The following DPYSL5 variants were observed in gnomAD, a reference collection of about 807,000 sequenced individuals.
The protein encoded by DPYSL5 is dihydropyrimidinase like 5.
DPYSL5 carries 9 observed loss-of-function variants against 58.4 expected under a neutral mutation model. The observed-to-expected ratio is 0.15, with a 90% CI of 0.09 to 0.27. The LOEUF is 0.27. Ranked by LOEUF, DPYSL5 falls within the 10% of genes least tolerant of loss-of-function variation. The probability of loss-of-function intolerance (pLI) is 1.00; values close to 1 mark genes in which losing one functional copy is unlikely to be tolerated. For synonymous variants in DPYSL5, 293 were observed against 301.9 expected, an observed-to-expected ratio of 0.97 and a Z score of 0.31; for missense variants, 499 against 770.6, an observed-to-expected ratio of 0.65 and a Z score of 4.17.
At chr2:26,858,955 C>G (rs759173516) in intron 1 of DPYSL5, among the ~76,000 whole-genome samples, 21 of 152,126 alleles carry the variant, frequency 1.4e-4, no homozygotes, top group Non-Finnish European at 2.9e-4. Flanking sequence ...TTTTGTTTGC[C>G]TAGCTAATGT....
chr2:26,890,702 G>A (rs1663856619), intron 1 of DPYSL5, among the ~76,000 whole-genome samples: 1 of 152,216 alleles, frequency 6.6e-6, no homozygotes, highest in Admixed American at 6.5e-5. Flanking sequence ...ACCACAGACT[G>A]GGTGGCTTAA....
chr2:26,851,321 C>A, intron 1 of DPYSL5, among the ~76,000 whole-genome samples: 1 of 152,254 alleles, frequency 6.6e-6, no homozygotes, highest in Non-Finnish European at 1.5e-5. Context: ...CAAGGAATGC[C>A]GGTATGACCA....
chr2:26,891,280 A>G (rs1034780466), intron 1 of DPYSL5, among the ~76,000 whole-genome samples: 4 of 152,144 alleles, frequency 2.6e-5, no homozygotes, highest in Non-Finnish European at 4.4e-5. Flanking sequence ...ATTAGTTAGC[A>G]TTATTAATAG....
intron 1 of DPYSL5, among the ~76,000 whole-genome samples, chr2:26,863,985 G>GC (rs1249632572): frequency 3.3e-5 from 5 of 152,194 alleles, no homozygotes; most frequent in African/African-American, 1.2e-4. Flanking sequence ...GCTCACACTT[G>GC]TAATCATAGC....
rs909849829 is a variant in DPYSL5 at position 26,931,533 on chromosome 2, A to G, written c.670-107A>G. On this transcript the variant is annotated intron_variant, in intron 5 of 12. Transcript: ENST00000288699. Reference sequence around the variant, plus strand: ...GTGCCTCTGCCCGGGCTTTGCCCCGAGCCAACCCCTATGGGTGCAGTTGCT... The same window carrying G: ...GTGCCTCTGCCCGGGCTTTGCCCCGGGCCAACCCCTATGGGTGCAGTTGCT... 21 of 1,405,678 alleles carry G rather than the reference A, an allele frequency of 1.5e-5. No individual in the cohort carries two copies. The African/African-American group carries it at 2.5e-4, about 17-fold the overall frequency. The allele number at this position is 1,405,678 out of a possible 1,614,324, so 87.1% of individuals were successfully genotyped here. A position where few individuals can be genotyped will look rare whatever the true frequency, so the allele number is the denominator to read the frequency against.
Position 26,948,559 on chromosome 2 carries a change from G to A in DPYSL5, c.*1564G>A, listed in dbSNP as rs944680722. 4 of 152,500 alleles carry A rather than the reference G, an allele frequency of 2.6e-5. No homozygotes were observed. The highest frequency in any genetic ancestry group is 7.2e-5 in the African/African-American group (3 of 41,452). The allele number at this position is 152,500 out of a possible 1,614,324, so 9.4% of individuals were successfully genotyped here. ...GCTTGCGCGAGGCTTCTGGACCCTC[G>A]GTTAAAGGTCAGCCCCTGGCCGGGT... On this transcript the variant is annotated 3_prime_UTR_variant, in exon 13 of 13. Transcript: ENST00000288699.
chr2:26,850,583 G>A (rs978285823), intron 1 of DPYSL5, among the ~76,000 whole-genome samples: 2 of 151,756 alleles, frequency 1.3e-5, no homozygotes, highest in African/African-American at 4.8e-5. Flanking sequence ...CAGACTGGGC[G>A]ATACTTGGCA....
At chr2:26,929,521 C>T (rs915901873) in intron 5 of DPYSL5, among the ~76,000 whole-genome samples, 3 of 152,180 alleles carry the variant, frequency 2.0e-5, no homozygotes, top group African/African-American at 7.2e-5. Context: ...CGTGAGCCAC[C>T]GTGCCCAGTC....
chr2:26,872,460 G>C (rs755303798), intron 1 of DPYSL5, among the ~76,000 whole-genome samples: 1 of 152,182 alleles, frequency 6.6e-6, no homozygotes, highest in Non-Finnish European at 1.5e-5. Flanking sequence ...GAGAGGCCGA[G>C]GTGGGCGGAT....
intron 1 of DPYSL5, among the ~76,000 whole-genome samples, chr2:26,878,757 C>T (rs892761569): frequency 3.9e-5 from 6 of 152,214 alleles, no homozygotes; most frequent in South Asian, 4.1e-4. Flanking sequence ...AGGATTCAGC[C>T]GCTGTCCACT....
At chr2:26,935,667 C>T (rs964075966) in intron 8 of DPYSL5, among the ~76,000 whole-genome samples, 8 of 137,242 alleles carry the variant, frequency 5.8e-5, no homozygotes, top group Admixed American at 2.3e-4. Context: ...CCAGCCTGTC[C>T]GGCGACAGAG....
chr2:26,863,264 AC>A (rs1666062038), intron 1 of DPYSL5, among the ~76,000 whole-genome samples: 1 of 152,204 alleles, frequency 6.6e-6, no homozygotes, highest in South Asian at 2.1e-4. Context: ...CACAGCTCTG[AC>A]ATGGGCCCCA....
intron 1 of DPYSL5, among the ~76,000 whole-genome samples, chr2:26,868,945 G>C (rs1663184498): frequency 6.6e-6 from 1 of 152,012 alleles, no homozygotes; most frequent in Non-Finnish European, 1.5e-5. Context: ...ACTTTGAGAA[G>C]TTCTTTAGGA....
At chr2:26,911,087 T>TG (rs1313844384) in intron 2 of DPYSL5, among the ~76,000 whole-genome samples, 2 of 150,558 alleles carry the variant, frequency 1.3e-5, no homozygotes, top group Non-Finnish European at 1.5e-5. Flanking sequence ...CAGTTTTTTT[T>TG]TTTTTTTTTT....
intron 2 of DPYSL5, among the ~76,000 whole-genome samples, chr2:26,904,938 T>C (rs1664252572): frequency 6.6e-6 from 1 of 152,098 alleles, no homozygotes; most frequent in South Asian, 2.1e-4. Flanking sequence ...TGAGGTTGCA[T>C]GAGTAGCCCA....
intron 1 of DPYSL5, among the ~76,000 whole-genome samples, chr2:26,859,330 T>C (rs969638279): frequency 3.9e-5 from 6 of 152,184 alleles, no homozygotes; most frequent in Non-Finnish European, 7.4e-5. Flanking sequence ...GCTGATAATA[T>C]GTTTTTGAGA....
rs1207878185 is a variant in DPYSL5 at position 26,924,584 on chromosome 2, C to G, written c.262-303C>G. Among the ~76,000 whole-genome samples, 1 of 152,142 alleles carries G rather than the reference C, an allele frequency of 6.6e-6. No individual in the cohort carries two copies. ...TAAAAATCGTTTGGGGAGAGAATCT[C>G]CTCATTGGGAAGATAGGCCTTAGGT... On this transcript the variant is annotated intron_variant, in intron 2 of 12. Transcript: ENST00000288699. This position sits in a 1 kb window ranked among gnomAD's most constrained non-coding sequence, Gnocchi z 4.7.
intron 2 of DPYSL5, among the ~76,000 whole-genome samples, chr2:26,919,669 C>T (rs1470529189): frequency 6.6e-6 from 1 of 152,044 alleles, no homozygotes; most frequent in Non-Finnish European, 1.5e-5. Flanking sequence ...TAAATGGGCA[C>T]TTTTGGTCAG....
At chr2:26,931,167 ATATGTG>A (rs1329412945) in intron 5 of DPYSL5, among the ~76,000 whole-genome samples, 67 of 54,312 alleles carry the variant, frequency 1.2e-3, no homozygotes, top group African/African-American at 2.5e-3. Flanking sequence ...ATATATATAT[ATATGTG>A]TGTGTGTGTG....
Sources: gnomAD v4.1 joint callset for allele counts (sites outside exome capture counted in the v4.1 genomes callset) on GRCh38, gnomAD v4.1.1 for gene constraint, Gnocchi (gnomAD v3.1) non-coding constraint, MANE v1.5 for transcripts, NCBI Gene and HGNC (gene_info 2026-07-23, HGNC 2026-07-21) for gene names.